The following CDCP2 variants were observed in gnomAD, a reference collection of about 807,000 sequenced individuals.
CDCP2 encodes the protein CUB domain-containing protein 2.
Under a neutral mutation model 31.0 loss-of-function variants are expected in CDCP2, and 31 were observed. The observed-to-expected ratio is 1.00, with a 90% CI of 0.75 to 1.35. The LOEUF (loss-of-function observed/expected upper bound fraction) is 1.35. Among genes scored for constraint, CDCP2 ranks in the 40% most tolerant of loss-of-function variants. The probability of loss-of-function intolerance (pLI) is 0.00; values close to 1 mark genes in which losing one functional copy is unlikely to be tolerated. For missense variants in CDCP2, 443 were observed against 482.6 expected (o/e 0.92, Z 0.77); for synonymous variants, 206 against 207.9 (o/e 0.99, Z 0.08).
chr1:54,142,298 G>C (rs887195689), intron 2 of CDCP2: 3 of 152,258 alleles, frequency 2.0e-5, no homozygotes, highest in African/African-American at 7.2e-5. Flanking sequence ...GAGAGGACCT[G>C]ATGAAGTAGA....
chr1:54,134,459 G>A (rs1452009599), intron 5 of CDCP2, among the ~76,000 whole-genome samples: 1 of 152,144 alleles, frequency 6.6e-6, no homozygotes, highest in Admixed American at 6.5e-5. Context: ...ATTGTGATGG[G>A]CAGTCTGGCG....
intron 1 of CDCP2, among the ~76,000 whole-genome samples, chr1:54,147,826 T>C (rs749547561): frequency 1.3e-5 from 2 of 149,830 alleles, no homozygotes; most frequent in African/African-American, 5.0e-5. Context: ...CTGGGCAACA[T>C]AGTAAGACCC....
At chr1:54,137,067 C>A in intron 4 of CDCP2, among the ~76,000 whole-genome samples, 1 of 152,252 alleles carries the variant, frequency 6.6e-6, no homozygotes, top group East Asian at 1.9e-4. Context: ...CAGCACAGAG[C>A]TTGGCAGGCC....
At position 54,136,819 on chromosome 1, in the gene CDCP2, G is replaced by C. The variant is rs1004553730; in HGVS notation, c.1118-11C>G. 7.5e-6 allele frequency: 3 copies of C among 399,146 alleles called. No individual in the cohort carries two copies. Among genetic ancestry groups the C allele is most frequent in the Non-Finnish European group, 1.3e-5 (3 of 226,214 alleles). 24.7% of individuals were successfully genotyped at this position (399,146 alleles called of 1,614,324 possible). ...CGTTCATGGGCACCACTGGGAATCG[G>C]AGGGAGGAGCTGGAAGCCTTAGGGT... On this transcript the variant is annotated splice_polypyrimidine_tract_variant and intron_variant, in intron 4 of 5. Transcript: ENST00000530059.
chr1:54,141,129 TCCGATG>T, exon 3 of CDCP2: 1 of 1,541,166 alleles, frequency 6.5e-7, no homozygotes, highest in Non-Finnish European at 8.7e-7. Flanking sequence ...AGCCACGGCC[TCCGATG>T]TTGAAGTCGG....
exon 2 of CDCP2, chr1:54,144,546 G>A (rs370486444): frequency 6.2e-7 from 1 of 1,613,264 alleles, no homozygotes; most frequent in African/African-American, 1.3e-5. Context: ...ATGCCAGGAG[G>A]AGGTGAAGGG....
chr1:54,133,140 T>C lies in CDCP2; in HGVS notation c.1451A>G (p.Tyr484Cys), dbSNP rs900830023. 4.8e-5 allele frequency: 19 copies of C among 399,004 alleles called. No homozygotes were observed. The Admixed American group carries it at 7.9e-4, about 17-fold the overall frequency. The allele number at this position is 399,004 out of a possible 1,614,324, so 24.7% of individuals were successfully genotyped here. Residue 484 changes from tyrosine to cysteine, a missense_variant, in exon 6 of 6, where the codon TAT becomes TGT. By Grantham distance (194) the Tyr-to-Cys change is radical. Transcript: ENST00000530059. Reference sequence around the variant, plus strand: ...CTGAAGGTGCTCCGCAGTGGCAGCATAGGGCCCCAGCCAGTGAGAGCCAGA... The same window carrying C: ...CTGAAGGTGCTCCGCAGTGGCAGCACAGGGCCCCAGCCAGTGAGAGCCAGA...
At chr1:54,140,027 G>C in exon 4 of CDCP2, 1 of 1,613,962 alleles carries the variant, frequency 6.2e-7, no homozygotes, top group Non-Finnish European at 8.5e-7. Context: ...AGTGGCAGCG[G>C]ATGTTGTTGG....
chr1:54,146,250 G>A (rs1659467425), intron 1 of CDCP2, among the ~76,000 whole-genome samples: 1 of 148,494 alleles, frequency 6.7e-6, no homozygotes, highest in South Asian at 2.1e-4. Context: ...CACTATCTCA[G>A]CTCACTGCAA....
intron 1 of CDCP2, among the ~76,000 whole-genome samples, chr1:54,152,477 C>T (rs1342022375): frequency 6.7e-6 from 1 of 148,254 alleles, no homozygotes; most frequent in Admixed American, 6.7e-5. Flanking sequence ...AAAAAAAAGA[C>T]TCTTTAGCAA....
intron 5 of CDCP2, among the ~76,000 whole-genome samples, chr1:54,133,752 C>T (rs1385297567): frequency 4.6e-5 from 7 of 151,882 alleles, no homozygotes; most frequent in African/African-American, 1.4e-4. Flanking sequence ...AAAAATTAGC[C>T]GGGCGTGATG....
chr1:54,139,645 T>TG (rs3841798), intron 4 of CDCP2, 108 bp downstream of exon 4: 288,296 of 1,534,020 alleles, frequency 0.19, 25,277 homozygotes, highest in Middle Eastern at 0.24. Context: ...AGACCATTCA[T>TG]GGGGGGGGCA....
At chr1:54,151,020 G>C (rs1239911993) in intron 1 of CDCP2, among the ~76,000 whole-genome samples, 1 of 152,188 alleles carries the variant, frequency 6.6e-6, no homozygotes, top group African/African-American at 2.4e-5. Context: ...GGGGCTCTGG[G>C]GTCCGGGGAG....
chr1:54,137,692 T>TGTGCGTGTGTGTGTGCGCGCGC (rs1553173557), intron 4 of CDCP2: 2 of 146,090 alleles, frequency 1.4e-5, no homozygotes, highest in African/African-American at 5.1e-5. Context: ...TGCGTGTGTG[T>TGTGCGTGTGTGTGTGCGCGCGC]GTGTGTGTGT....
rs775186450 is a variant in CDCP2 at position 54,141,124 on chromosome 1, C to G, written c.737G>C (p.Arg246Pro). 1.2e-5 allele frequency: 18 copies of G among 1,536,984 alleles called. No individual in the cohort carries two copies. The East Asian group carries it at 3.2e-4, about 27-fold the overall frequency. The change falls in exon 3 of 6, where the codon CGT becomes CCT. Residue 246 changes from arginine (R) to proline (P), a missense_variant. By Grantham distance (103) the Arg-to-Pro change is moderately radical (BLOSUM62 -2). Transcript: ENST00000530059. ...TGAGAAGTAGTAGGCCTTGAAGCCA[C>G]GGCCTCCGATGTTGAAGTCGGACTT...
chr1:54,147,141 AAAG>A (rs1659488898), intron 1 of CDCP2, among the ~76,000 whole-genome samples: 1 of 151,316 alleles, frequency 6.6e-6, no homozygotes, highest in African/African-American at 2.4e-5. Context: ...TCCACTGGCT[AAAG>A]AAGGTACAAT....
chr1:54,134,288 C>T (rs563323878), intron 5 of CDCP2, among the ~76,000 whole-genome samples: 6 of 152,298 alleles, frequency 3.9e-5, no homozygotes, highest in East Asian at 1.9e-4. Context: ...GGTATCCTGC[C>T]GTTGAGCCCC....
At chr1:54,134,887 C>T (rs1242733715) in intron 5 of CDCP2, among the ~76,000 whole-genome samples, 2 of 152,102 alleles carry the variant, frequency 1.3e-5, no homozygotes. Flanking sequence ...AGGAGTTCAC[C>T]GCCATGCCCA....
intron 2 of CDCP2, chr1:54,142,264 T>C (rs1277424935): frequency 6.6e-6 from 1 of 152,234 alleles, no homozygotes; most frequent in African/African-American, 2.4e-5. Flanking sequence ...ACCTCCCTAA[T>C]GGATGAGGAA....
Sources: allele counts gnomAD v4.1 joint callset (sites outside exome capture counted in the v4.1 genomes callset), GRCh38; gene constraint gnomAD v4.1.1; transcripts MANE v1.5; gene names NCBI Gene and HGNC (gene_info 2026-07-23, HGNC 2026-07-21).